Variants in BEND7 observed in about 807,000 individuals in gnomAD.
BEND7 encodes the protein BEN domain containing 7.
BEND7 carries 28 observed loss-of-function variants against 50.9 expected under a neutral mutation model. That is an observed-to-expected ratio of 0.55 (90% CI 0.41 to 0.75). BEND7 has a LOEUF of 0.75. Ranked by LOEUF, BEND7 falls within the 30% of genes least tolerant of loss-of-function variation. The pLI is 0.00. For synonymous variants in BEND7, 170 were observed against 183.9 expected, an observed-to-expected ratio of 0.92 and a Z score of 0.61; for missense variants, 477 against 491.3, an observed-to-expected ratio of 0.97 and a Z score of 0.28.
intron 1 of BEND7, chr10:13,527,758 C>T (rs1452549597): frequency 1.2e-6 from 1 of 816,044 alleles, no homozygotes; most frequent in Non-Finnish European, 1.5e-6. Flanking sequence ...AAGATAAAGA[C>T]TCTTAACAAG....
intron 6 of BEND7, 151 bp downstream of exon 6, chr10:13,480,748 G>A: frequency 2.1e-6 from 3 of 1,457,248 alleles, no homozygotes; most frequent in Non-Finnish European, 2.7e-6. Context: ...GTGAATTACA[G>A]AGCTCACACC....
chr10:13,449,808 A>C (rs1026043665), intron 7 of BEND7, among the ~76,000 whole-genome samples: 2 of 152,226 alleles, frequency 1.3e-5, no homozygotes, highest in Non-Finnish European at 2.9e-5. Flanking sequence ...ATTATATATA[A>C]ATCAGAACAC....
At chr10:13,462,022 G>C (rs1840316393) in intron 6 of BEND7, among the ~76,000 whole-genome samples, 4 of 152,222 alleles carry the variant, frequency 2.6e-5, no homozygotes, top group South Asian at 4.1e-4. Flanking sequence ...AGTGGACTCA[G>C]GAGCTGCAGG....
downstream of BEND7, chr10:13,439,493 A>G (rs149863474): frequency 6.3e-7 from 1 of 1,597,694 alleles, no homozygotes; most frequent in African/African-American, 1.3e-5. Context: ...GCCCACCACA[A>G]GCACCTGTGG....
At chr10:13,500,835 T>G in intron 2 of BEND7, 3 of 985,372 alleles carry the variant, frequency 3.0e-6, no homozygotes, top group Non-Finnish European at 3.6e-6. Flanking sequence ...GTACCAGCAC[T>G]GGAAGGGCGG....
In BEND7 at chr10:13,441,734, A is replaced by G; in HGVS notation, c.*9T>C. ...AAAAAACACAAGAGCTGTGGTTTGC[A>G]GTCCTTCATCAGACCACTTGAGAAA... On this transcript the variant is annotated 3_prime_UTR_variant, in exon 9 of 9. Coordinates refer to ENST00000466271, the MANE Select transcript of BEND7 (RefSeq NM_001369863.1). 6.2e-7 allele frequency: 1 copy of G among 1,614,106 alleles called. No individual in the cohort carries two copies. The highest frequency in any genetic ancestry group is 8.5e-7 in the Non-Finnish European group (1 of 1,179,962).
intron 2 of BEND7, among the ~76,000 whole-genome samples, chr10:13,503,373 G>C (rs1196595840): frequency 6.6e-6 from 1 of 152,210 alleles, no homozygotes; most frequent in Non-Finnish European, 1.5e-5. Context: ...CTCAGAGGAA[G>C]TAAGCTCACG....
At chr10:13,455,823 TG>T (rs1215858028) in intron 6 of BEND7, among the ~76,000 whole-genome samples, 2 of 151,982 alleles carry the variant, frequency 1.3e-5, no homozygotes, top group African/African-American at 4.8e-5. Context: ...TGAGGGGCTC[TG>T]GAGGATGGAG....
intron 2 of BEND7, among the ~76,000 whole-genome samples, chr10:13,524,154 T>C (rs1249233431): frequency 6.6e-6 from 1 of 152,196 alleles, no homozygotes; most frequent in African/African-American, 2.4e-5. Context: ...CTCTTATCCT[T>C]ACAATTCACT....
At chr10:13,520,325 G>C (rs1485545788) in intron 2 of BEND7, among the ~76,000 whole-genome samples, 1 of 152,070 alleles carries the variant, frequency 6.6e-6, no homozygotes, top group Non-Finnish European at 1.5e-5. Flanking sequence ...CCAGGCCATA[G>C]CTCCTGCCCA....
chr10:13,512,279 A>G (rs1240885972), intron 2 of BEND7, among the ~76,000 whole-genome samples: 1 of 152,200 alleles, frequency 6.6e-6, no homozygotes, highest in East Asian at 1.9e-4. Flanking sequence ...TTAGAAAAAA[A>G]CAAACTGGAA....
At chr10:13,493,638 A>C (rs2076830329) in intron 4 of BEND7, among the ~76,000 whole-genome samples, 1 of 152,248 alleles carries the variant, frequency 6.6e-6, no homozygotes. Flanking sequence ...TGAAAAGCAC[A>C]GTACAGGAAC....
At chr10:13,469,777 A>C (rs2074625060) in intron 6 of BEND7, among the ~76,000 whole-genome samples, 2 of 152,160 alleles carry the variant, frequency 1.3e-5, no homozygotes, top group Non-Finnish European at 2.9e-5. Context: ...GCCCAGCCGA[A>C]AGTTATGAAT....
intron 5 of BEND7, among the ~76,000 whole-genome samples, chr10:13,484,961 C>A (rs2131823132): frequency 6.6e-6 from 1 of 152,304 alleles, no homozygotes; most frequent in East Asian, 1.9e-4. Flanking sequence ...TGTCCTGGAT[C>A]CAGGCCTGTG....
intron 8 of BEND7, chr10:13,442,789 G>C (rs927309693): frequency 2.0e-5 from 3 of 152,112 alleles, no homozygotes; most frequent in Admixed American, 6.6e-5. Flanking sequence ...GAACTCATAG[G>C]TCATTTGCAC....
intron 2 of BEND7, among the ~76,000 whole-genome samples, chr10:13,514,603 G>T (rs998070272): frequency 7.2e-5 from 11 of 152,116 alleles, no homozygotes; most frequent in African/African-American, 2.7e-4. Flanking sequence ...GTCGGACGTG[G>T]GCCACCCTGC....
chr10:13,492,248 T>C (rs976894227), intron 5 of BEND7, among the ~76,000 whole-genome samples: 1 of 152,224 alleles, frequency 6.6e-6, no homozygotes. Flanking sequence ...CTTATCTGTA[T>C]GGCCCTGTTC....
chr10:13,473,950 G>A (rs554189332), intron 6 of BEND7, among the ~76,000 whole-genome samples: 19 of 151,812 alleles, frequency 1.3e-4, no homozygotes, highest in Non-Finnish European at 2.1e-4. Flanking sequence ...TATTGTCATC[G>A]CTGTTAGACT....
intron 6 of BEND7, among the ~76,000 whole-genome samples, chr10:13,474,501 G>A (rs1032557451): frequency 3.3e-5 from 5 of 151,268 alleles, no homozygotes; most frequent in Middle Eastern, 3.2e-3. Flanking sequence ...GCCGATACCC[G>A]TCACCGCTGT....
Sources: gnomAD v4.1 joint callset for allele counts (sites outside exome capture counted in the v4.1 genomes callset) on GRCh38, gnomAD v4.1.1 for gene constraint, MANE v1.5 for transcripts, NCBI Gene and HGNC (gene_info 2026-07-23, HGNC 2026-07-21) for gene names.